The following FCAR variants were observed in gnomAD, a reference collection of about 807,000 sequenced individuals.
The protein encoded by FCAR is Fc alpha receptor, also known as immunoglobulin alpha Fc receptor.
Under a neutral mutation model 27.1 loss-of-function variants are expected in FCAR, and 21 were observed. That is an observed-to-expected ratio of 0.77 (90% CI 0.55 to 1.11). FCAR has a LOEUF of 1.11. Among genes scored for constraint, FCAR ranks in the 50% most tolerant of loss-of-function variants. The pLI, the probability that FCAR is intolerant of heterozygous loss-of-function variation, is 0.00. For missense variants in FCAR, 404 were observed against 358.4 expected, an observed-to-expected ratio of 1.13 and a Z score of -1.03; for synonymous variants, 134 against 135.8, an observed-to-expected ratio of 0.99 and a Z score of 0.09.
At chr19:54,881,838 G>A (rs1262004465) in intron 2 of FCAR, among the ~76,000 whole-genome samples, 1 of 152,090 alleles carries the variant, frequency 6.6e-6, no homozygotes, top group African/African-American at 2.4e-5. Flanking sequence ...CCGAGATCGG[G>A]CCACTGCACT....
intron 3 of FCAR, among the ~76,000 whole-genome samples, chr19:54,887,041 C>T (rs1177835999): frequency 8.4e-5 from 6 of 71,260 alleles, no homozygotes; most frequent in South Asian, 1.0e-3. Context: ...GGAGGCTGGG[C>T]GCCGTGGCTC....
chr19:54,877,810 G>A (rs374588192), intron 2 of FCAR, among the ~76,000 whole-genome samples: 1 of 152,110 alleles, frequency 6.6e-6, no homozygotes, highest in East Asian at 1.9e-4. Context: ...TTCCAGAACA[G>A]ACTGCTTAAT....
At chr19:54,874,889 G>A (rs569704370) in intron 1 of FCAR, among the ~76,000 whole-genome samples, 1 of 152,030 alleles carries the variant, frequency 6.6e-6, no homozygotes, top group South Asian at 2.1e-4. Context: ...AGCTCTTCTT[G>A]GCCGGGCGCA....
chr19:54,881,286 T>A (rs2066395227), intron 2 of FCAR, among the ~76,000 whole-genome samples: 1 of 152,048 alleles, frequency 6.6e-6, no homozygotes, highest in East Asian at 1.9e-4. Context: ...CTCTTCTCCT[T>A]AGGGCAGTTT....
chr19:54,879,552 A>G (rs587717733), intron 2 of FCAR, among the ~76,000 whole-genome samples: 1 of 152,342 alleles, frequency 6.6e-6, no homozygotes, highest in South Asian at 2.1e-4. Flanking sequence ...TCTTTTCATA[A>G]GAACATTAAA....
At chr19:54,875,500 C>A (rs2066044658) in intron 2 of FCAR, 135 bp downstream of exon 2, 1 of 758,394 alleles carries the variant, frequency 1.3e-6, no homozygotes, top group Non-Finnish European at 2.2e-6. Flanking sequence ...GCTTCTCTTG[C>A]ATAATTTCTA....
At chr19:54,876,935 A>G (rs1327694105) in intron 2 of FCAR, among the ~76,000 whole-genome samples, 1 of 152,176 alleles carries the variant, frequency 6.6e-6, no homozygotes, top group Non-Finnish European at 1.5e-5. Flanking sequence ...TCAACCTTGC[A>G]TCCCAGAAAT....
In FCAR at chr19:54,874,285, G is replaced by C; in HGVS notation, c.-5G>C. ...GAGCAACGGGGCTGAGGCCGTGTCA[G>C]CACGATGGACCCCAAACAGACCACC... On this transcript the variant is annotated 5_prime_UTR_variant, in exon 1 of 5. Coordinates refer to ENST00000355524, the MANE Select transcript of FCAR (RefSeq NM_002000.4). 1 of 1,614,116 alleles carries C rather than the reference G, an allele frequency of 6.2e-7. No individual in the cohort carries two copies. The highest frequency in any genetic ancestry group is 8.5e-7 in the Non-Finnish European group (1 of 1,179,994).
Position 54,882,502 on chromosome 19 carries a change from C to T in FCAR, c.71-2733C>T, listed in dbSNP as rs957025736. Among the ~76,000 whole-genome samples the T allele has an allele frequency of 3.2e-4, 49 of 151,242 alleles. 1 individual carries two copies. The highest frequency in any genetic ancestry group is 9.7e-4 in the African/African-American group (40 of 41,026). The stretch of plus-strand genomic sequence containing the variant: ...CCAGGCTGGAGTGCAGTGGCACGAT[C>T]TCAGCTCACTGCTGCAACCTTCACC... On this transcript the variant is annotated intron_variant, in intron 2 of 4. Coordinates refer to ENST00000355524, the MANE Select transcript of FCAR (RefSeq NM_002000.4).
chr19:54,884,564 G>A (rs1046787888), intron 2 of FCAR, among the ~76,000 whole-genome samples: 3 of 151,824 alleles, frequency 2.0e-5, no homozygotes, highest in South Asian at 2.1e-4. Context: ...CCCGGGAGGC[G>A]GAGGAGCTGA....
chr19:54,882,541 C>T (rs967164687), intron 2 of FCAR, among the ~76,000 whole-genome samples: 1 of 151,692 alleles, frequency 6.6e-6, no homozygotes, highest in Non-Finnish European at 1.5e-5. Context: ...CGGGTTCAAG[C>T]GATTCTCCTG....
intron 2 of FCAR, among the ~76,000 whole-genome samples, chr19:54,876,882 C>G (rs775052829): frequency 2.0e-4 from 30 of 152,194 alleles, no homozygotes; most frequent in Non-Finnish European, 3.5e-4. Flanking sequence ...GTTCACGCCA[C>G]TACACTCCAG....
chr19:54,879,079 A>C (rs2066269530), intron 2 of FCAR, among the ~76,000 whole-genome samples: 1 of 151,122 alleles, frequency 6.6e-6, no homozygotes, highest in South Asian at 2.1e-4. Context: ...ATTTCATCAC[A>C]TTGGCCAGGC....
At chr19:54,888,393 G>A in intron 4 of FCAR, 99 bp downstream of exon 4, 1 of 1,523,988 alleles carries the variant, frequency 6.6e-7, no homozygotes, top group Non-Finnish European at 8.8e-7. Context: ...GAAGTGAAGA[G>A]AGGCAAAGGC....
At chr19:54,889,546 T>A (rs2066950205) in intron 4 of FCAR, 103 bp from the exon 5 acceptor site, 1 of 898,202 alleles carries the variant, frequency 1.1e-6, no homozygotes, top group East Asian at 2.4e-5. Context: ...GAGTCCCATT[T>A]TGGCAAGCGA....
intron 1 of FCAR, among the ~76,000 whole-genome samples, 191 bp from the exon 2 acceptor site, chr19:54,875,139 C>T (rs908647129): frequency 3.3e-5 from 5 of 151,798 alleles, no homozygotes; most frequent in African/African-American, 1.2e-4. Flanking sequence ...CCACTGCACT[C>T]CAGCTTGGGC....
chr19:54,880,400 C>G (rs1368799732), intron 2 of FCAR, among the ~76,000 whole-genome samples: 1 of 152,206 alleles, frequency 6.6e-6, no homozygotes, highest in Non-Finnish European at 1.5e-5. Context: ...TCAGCTCCAT[C>G]AGATCCGTTT....
In FCAR at chr19:54,888,089, A is replaced by G; in HGVS notation, c.444A>G (p.Ser148=). The G allele has an allele frequency of 6.2e-7, 1 of 1,614,096 alleles. No individual in the cohort carries two copies. Among genetic ancestry groups the G allele is most frequent in the East Asian group, 2.2e-5 (1 of 44,884 alleles). The change falls in exon 4 of 5, where the codon TCA becomes TCG. Residue 148 remains serine, a synonymous_variant. Transcript: ENST00000355524. ...AGAATATTTCCCTCACGTGCAGCTC[A>G]GCACACATCCCATTTGATAGATTTT... is the stretch of plus-strand genomic sequence containing the variant. ...PGENISLTCS[S]AHIPFDRFSL...
chr19:54,884,997 G>A (rs1025168260), intron 2 of FCAR, among the ~76,000 whole-genome samples: 11 of 152,028 alleles, frequency 7.2e-5, no homozygotes, highest in East Asian at 1.9e-4. Context: ...CAGTAGACAC[G>A]GGGTTTCACC....
Sources: gnomAD v4.1 joint callset for allele counts (sites outside exome capture counted in the v4.1 genomes callset) on GRCh38, gnomAD v4.1.1 for gene constraint, MANE v1.5 for transcripts, NCBI Gene and HGNC (gene_info 2026-07-23, HGNC 2026-07-21) for gene names.